The following GAD2 variants were observed in gnomAD, a reference collection of about 807,000 sequenced individuals.
The protein encoded by GAD2 is 65 kDa glutamic acid decarboxylase.
GAD2 carries 22 observed loss-of-function variants against 80.1 expected under a neutral mutation model. That is an observed-to-expected ratio of 0.27 (90% CI 0.20 to 0.39). GAD2 has a LOEUF of 0.39. Ranked by LOEUF, GAD2 falls within the 10% of genes least tolerant of loss-of-function variation. GAD2 has a pLI of 1.00. For missense variants in GAD2, 624 were observed against 738.4 expected, an observed-to-expected ratio of 0.85 and a Z score of 1.80; for synonymous variants, 274 against 256.9, an observed-to-expected ratio of 1.07 and a Z score of -0.64.
chr10:26,247,592 A>C (rs778991444), intron 8 of GAD2, among the ~76,000 whole-genome samples: 3 of 152,028 alleles, frequency 2.0e-5, no homozygotes, highest in Non-Finnish European at 2.9e-5. Context: ...CTCACGTGGA[A>C]TTCAGAAAGC....
chr10:26,292,627 C>T, intron 14 of GAD2, 55 bp downstream of exon 14: 1 of 1,290,938 alleles, frequency 7.7e-7, no homozygotes, highest in African/African-American at 1.5e-5. Flanking sequence ...CAACCCTCAT[C>T]ACTGATATGA....
At chr10:26,275,442 C>CATCAGGGAACA (rs1333348878) in intron 11 of GAD2, among the ~76,000 whole-genome samples, 3 of 152,196 alleles carry the variant, frequency 2.0e-5, no homozygotes, top group Non-Finnish European at 4.4e-5. Flanking sequence ...TTAGAACGTT[C>CATCAGGGAACA]ATCAGGGAAC....
At chr10:26,281,945 C>CT (rs1035816657) in intron 12 of GAD2, among the ~76,000 whole-genome samples, 2 of 151,664 alleles carry the variant, frequency 1.3e-5, no homozygotes, top group African/African-American at 4.8e-5. Context: ...TCTTCATTTA[C>CT]TTTTTTTTTC....
chr10:26,250,847 T>G (rs1365298573), intron 8 of GAD2, among the ~76,000 whole-genome samples: 2 of 150,810 alleles, frequency 1.3e-5, no homozygotes, highest in African/African-American at 2.4e-5. Flanking sequence ...ACTCTTTTTC[T>G]AAGCACAGAA....
chr10:26,224,504 T>C lies in GAD2; in HGVS notation c.612-35T>C, dbSNP rs200484997. On this transcript the variant is annotated intron_variant, in intron 5 of 15. Coordinates refer to ENST00000376261, the MANE Select transcript of GAD2 (RefSeq NM_001134366.2). ...ATGATTGTAAATTATTTATCTGAGTTACAGAGGTAAAATGTGGCCATTACT... is the reference window on the plus strand; with the variant it reads ...ATGATTGTAAATTATTTATCTGAGTCACAGAGGTAAAATGTGGCCATTACT... 64 of 1,201,118 alleles carry C rather than the reference T, an allele frequency of 5.3e-5. No individual in the cohort carries two copies. The African/African-American group carries it at 8.2e-4, about 15-fold the overall frequency. The allele number at this position is 1,201,118 out of a possible 1,614,324, so 74.4% of individuals were successfully genotyped here.
chr10:26,233,072 C>T (rs1406036722), intron 7 of GAD2, among the ~76,000 whole-genome samples: 3 of 152,124 alleles, frequency 2.0e-5, no homozygotes, highest in Non-Finnish European at 4.4e-5. Flanking sequence ...AGATATGGAA[C>T]TTTGATTCTC....
chr10:26,245,433 T>C (rs1369793072), intron 7 of GAD2, among the ~76,000 whole-genome samples: 1 of 136,408 alleles, frequency 7.3e-6, no homozygotes, highest in Non-Finnish European at 1.5e-5. Flanking sequence ...GTTATGTTGT[T>C]TTACCACAAT....
In GAD2 at chr10:26,301,189, A is replaced by G; in HGVS notation, c.*228A>G. On this transcript the variant is annotated 3_prime_UTR_variant, in exon 16 of 16. Coordinates refer to ENST00000376261, the MANE Select transcript of GAD2 (RefSeq NM_001134366.2). ...GACAAAAGGCTATGTTCTAATCAAT[A>G]AGGAAAAGCTTAAAATTGTTATAAA... 1 of 466,152 alleles carries G rather than the reference A, an allele frequency of 2.1e-6. No individual in the cohort carries two copies. The highest frequency in any genetic ancestry group is 3.4e-5 in the Admixed American group (1 of 29,296). 28.9% of individuals were successfully genotyped at this position (466,152 alleles called of 1,614,324 possible).
intron 11 of GAD2, among the ~76,000 whole-genome samples, chr10:26,276,281 C>T (rs1845206000): frequency 2.6e-5 from 4 of 152,190 alleles, no homozygotes. Flanking sequence ...TCCTTGCTAG[C>T]ACTGTCAGAA....
intron 15 of GAD2, among the ~76,000 whole-genome samples, chr10:26,293,209 A>G (rs12413327): frequency 6.7e-5 from 8 of 118,964 alleles, no homozygotes; most frequent in Non-Finnish European, 1.1e-4. Flanking sequence ...ATGGAGTCTC[A>G]CTGTGTCTTC....
chr10:26,248,098 GACTC>G (rs1844832261), intron 8 of GAD2, among the ~76,000 whole-genome samples: 1 of 152,118 alleles, frequency 6.6e-6, no homozygotes, highest in East Asian at 1.9e-4. Context: ...TCATGCTTAA[GACTC>G]AGCCTCCCCG....
intron 8 of GAD2, among the ~76,000 whole-genome samples, chr10:26,249,180 A>C (rs1273680759): frequency 2.6e-5 from 4 of 152,256 alleles, no homozygotes; most frequent in African/African-American, 7.2e-5. Flanking sequence ...CTTGCGCCTC[A>C]GCCTCCCTAG....
intron 4 of GAD2, among the ~76,000 whole-genome samples, chr10:26,222,334 T>G (rs1844463080): frequency 6.6e-6 from 1 of 151,930 alleles, no homozygotes. Flanking sequence ...TACTGTCTAA[T>G]CATAGACACC....
At chr10:26,273,375 T>TGGGAGA (rs1845159805) in intron 10 of GAD2, among the ~76,000 whole-genome samples, 1 of 152,198 alleles carries the variant, frequency 6.6e-6, no homozygotes, top group African/African-American at 2.4e-5. Flanking sequence ...GTGATAGGTT[T>TGGGAGA]GGGAGAGGGT....
chr10:26,222,274 C>T (rs1024521344), intron 4 of GAD2, among the ~76,000 whole-genome samples: 1 of 152,178 alleles, frequency 6.6e-6, no homozygotes, highest in African/African-American at 2.4e-5. Flanking sequence ...CTCACAATCT[C>T]TCTCCATCTT....
intron 3 of GAD2, among the ~76,000 whole-genome samples, chr10:26,218,723 T>C (rs184254584): frequency 8.5e-5 from 13 of 152,298 alleles, no homozygotes; most frequent in Admixed American, 2.6e-4. Context: ...GATGGTTTAC[T>C]GAGAAACACG....
intron 7 of GAD2, among the ~76,000 whole-genome samples, chr10:26,230,549 A>G (rs1844588628): frequency 6.6e-6 from 1 of 152,030 alleles, no homozygotes; most frequent in African/African-American, 2.4e-5. Flanking sequence ...GTCCTCCCAC[A>G]TCAGCCTCCT....
At chr10:26,278,308 G>C (rs1051581732) in intron 11 of GAD2, among the ~76,000 whole-genome samples, 1 of 152,248 alleles carries the variant, frequency 6.6e-6, no homozygotes, top group East Asian at 1.9e-4. Context: ...CCATGTGTAC[G>C]TGCATGCACG....
At chr10:26,250,415 C>A (rs1185728766) in intron 8 of GAD2, among the ~76,000 whole-genome samples, 5 of 152,162 alleles carry the variant, frequency 3.3e-5, no homozygotes, top group Non-Finnish European at 5.9e-5. Context: ...CTCACATACA[C>A]CCCTTGGGAG....
Sources: allele counts gnomAD v4.1 joint callset (sites outside exome capture counted in the v4.1 genomes callset), GRCh38; gene constraint gnomAD v4.1.1; transcripts MANE v1.5; gene names NCBI Gene and HGNC (gene_info 2026-07-23, HGNC 2026-07-21).